Variants in CCDC83 observed in about 807,000 individuals in gnomAD.
CCDC83 encodes the protein coiled-coil domain containing 83, also known as coiled-coil domain-containing protein 83.
Under a neutral mutation model 50.1 loss-of-function variants are expected in CCDC83, and 54 were observed. That is an observed-to-expected ratio of 1.08 (90% CI 0.87 to 1.35). The LOEUF is 1.35. CCDC83 is among the 40% of genes most tolerant of loss of function. The pLI is 0.00. For synonymous variants in CCDC83, 161 were observed against 153.3 expected (o/e 1.05, Z -0.37); for missense variants, 518 against 473.9 (o/e 1.09, Z -0.86).
intron 3 of CCDC83, among the ~76,000 whole-genome samples, chr11:85,877,194 G>T (rs1272084704): frequency 6.6e-6 from 1 of 152,192 alleles, no homozygotes; most frequent in Non-Finnish European, 1.5e-5. Flanking sequence ...TGCAGGCCAG[G>T]CACAGTGGCT....
chr11:85,905,990 AAG>A (rs1554984758), intron 7 of CCDC83, among the ~76,000 whole-genome samples: 7 of 151,648 alleles, frequency 4.6e-5, no homozygotes, highest in East Asian at 1.9e-4. Flanking sequence ...AAAAAAAAAA[AAG>A]AGTATTAGGG....
Position 85,865,278 on chromosome 11 carries a change from C to T in CCDC83, c.95+60C>T, listed in dbSNP as rs2093200590. The T allele has an allele frequency of 4.9e-6, 5 of 1,011,804 alleles. No homozygotes were observed. In the East Asian group the frequency reaches 1.2e-4, roughly 24 times the overall value. 62.7% of individuals were successfully genotyped at this position (1,011,804 alleles called of 1,614,324 possible). On this transcript the variant is annotated intron_variant, in intron 2 of 10. Coordinates refer to ENST00000342404, the MANE Select transcript of CCDC83 (RefSeq NM_001286159.2). The stretch of plus-strand genomic sequence containing the variant: ...AGATAAAAGGCAGTCATTGTTAAGA[C>T]TCATATAACTGCAAATGCAAACAAT...
intron 2 of CCDC83, among the ~76,000 whole-genome samples, chr11:85,866,904 C>A (rs1186889941): frequency 4.6e-5 from 7 of 151,954 alleles, no homozygotes; most frequent in Non-Finnish European, 4.4e-5. Context: ...AGGCCAGAAA[C>A]TGAGAAAAGG....
chr11:85,917,226 GAAAGA>G (rs1317336479), intron 10 of CCDC83, among the ~76,000 whole-genome samples: 6 of 143,976 alleles, frequency 4.2e-5, no homozygotes, highest in East Asian at 2.0e-4. Flanking sequence ...AAGAAAGAAA[GAAAGA>G]AAAGAAAGAA....
At chr11:85,907,290 A>G (rs765689185) in intron 7 of CCDC83, among the ~76,000 whole-genome samples, 82 of 152,244 alleles carry the variant, frequency 5.4e-4, no homozygotes, top group Non-Finnish European at 2.9e-4. Context: ...ATTAGTTGTT[A>G]TAAGTAACAC....
intron 10 of CCDC83, chr11:85,917,962 G>C (rs945223225): frequency 3.3e-5 from 5 of 152,184 alleles, no homozygotes; most frequent in African/African-American, 1.2e-4. Flanking sequence ...TGTATTACTT[G>C]AGAATCCTCC....
At chr11:85,908,613 AGAT>A (rs1372202553) in intron 7 of CCDC83, among the ~76,000 whole-genome samples, 62 of 132,850 alleles carry the variant, frequency 4.7e-4, no homozygotes, top group Admixed American at 6.9e-4. Context: ...ATAGATAGAC[AGAT>A]AGAATTCATG....
intron 3 of CCDC83, among the ~76,000 whole-genome samples, chr11:85,880,317 CCTT>C (rs2093293000): frequency 6.6e-6 from 1 of 152,092 alleles, no homozygotes; most frequent in Non-Finnish European, 1.5e-5. Flanking sequence ...GACAGGATCT[CCTT>C]CAGTCAACCA....
chr11:85,883,294 T>A (rs1410121019), intron 4 of CCDC83, among the ~76,000 whole-genome samples: 4 of 152,026 alleles, frequency 2.6e-5, no homozygotes, highest in African/African-American at 7.3e-5. Flanking sequence ...TTTTCTTTTT[T>A]TTCTTTTTTT....
At chr11:85,877,462 T>C (rs1264973424) in intron 3 of CCDC83, among the ~76,000 whole-genome samples, 15 of 152,248 alleles carry the variant, frequency 9.9e-5, no homozygotes, top group Non-Finnish European at 1.5e-5. Flanking sequence ...CAGACTAAGA[T>C]CCTGTCTCTA....
At chr11:85,897,232 C>T (rs1276551957) in intron 6 of CCDC83, among the ~76,000 whole-genome samples, 2 of 152,186 alleles carry the variant, frequency 1.3e-5, no homozygotes, top group Non-Finnish European at 2.9e-5. Flanking sequence ...CCTCAGCAAC[C>T]CAGTAAGCTG....
chr11:85,881,371 C>CAA (rs2093299248), intron 3 of CCDC83, among the ~76,000 whole-genome samples: 3 of 148,962 alleles, frequency 2.0e-5, no homozygotes, highest in Admixed American at 2.0e-4. Flanking sequence ...AGACTCCATC[C>CAA]CCCCCCAAAA....
At chr11:85,873,408 G>T in intron 3 of CCDC83, 113 bp downstream of exon 3, 1 of 467,692 alleles carries the variant, frequency 2.1e-6, no homozygotes, top group Non-Finnish European at 3.8e-6. Context: ...TTCAAAGCTT[G>T]GAATTGATTG....
chr11:85,897,912 T>G (rs547929098), intron 6 of CCDC83, among the ~76,000 whole-genome samples: 12 of 152,104 alleles, frequency 7.9e-5, no homozygotes, highest in Non-Finnish European at 1.5e-4. Flanking sequence ...ATCCCAGCAT[T>G]TGGGGAGGCC....
At chr11:85,912,881 G>T in intron 8 of CCDC83, 1 of 648,730 alleles carries the variant, frequency 1.5e-6, no homozygotes. Flanking sequence ...TGGTATATTT[G>T]ATTTTGTTCT....
In CCDC83 at chr11:85,886,275, A is replaced by G; in HGVS notation, c.419A>G (p.Tyr140Cys). ...KLSEKEYWEE[Y>C]KNVGSERHAK... ...AGTGAAAAGGAATATTGGGAGGAGT[A>G]CAAGAATGTAGGGAGTGAACGACAT... The change falls in exon 5 of 11, where the codon TAC becomes TGC. Residue 140 changes from tyrosine to cysteine, a missense_variant. Coordinates refer to ENST00000342404, the MANE Select transcript of CCDC83 (RefSeq NM_001286159.2). 1 of 1,610,708 alleles carries G rather than the reference A, an allele frequency of 6.2e-7. No homozygotes were observed. The highest frequency in any genetic ancestry group is 2.2e-5 in the East Asian group (1 of 44,706).
intron 7 of CCDC83, among the ~76,000 whole-genome samples, chr11:85,905,731 A>G (rs1009752860): frequency 6.6e-6 from 1 of 152,046 alleles, no homozygotes; most frequent in Non-Finnish European, 1.5e-5. Flanking sequence ...GCACTTTGGG[A>G]GGCCGAGGCA....
chr11:85,863,201 G>A (rs1365026344), intron 1 of CCDC83, among the ~76,000 whole-genome samples: 1 of 152,144 alleles, frequency 6.6e-6, no homozygotes, highest in Non-Finnish European at 1.5e-5. Context: ...ATTACTAAAT[G>A]GTAAGTTATT....
chr11:85,916,220 A>G lies in CCDC83; in HGVS notation c.1067A>G (p.Glu356Gly). ...TDMKYLLYED[E>G]KDFKDYVNLG... Reference sequence around the variant, plus strand: ...ATGAAGTACTTACTATATGAGGATGAGAAGGATTTCAAGGTAAGATTCATA... The same window carrying G: ...ATGAAGTACTTACTATATGAGGATGGGAAGGATTTCAAGGTAAGATTCATA... The change falls in exon 10 of 11, where the codon GAG (glutamate) becomes GGG (glycine). Residue 356 changes from glutamate (E) to glycine (G), a missense_variant. Physicochemically the swap from Glu to Gly is moderately conservative, Grantham distance 98. Transcript: ENST00000342404. 1 of 1,607,190 alleles carries G rather than the reference A, an allele frequency of 6.2e-7. No homozygotes were observed. The highest frequency in any genetic ancestry group is 8.5e-7 in the Non-Finnish European group (1 of 1,176,260).
Sources: gnomAD v4.1 joint callset for allele counts (sites outside exome capture counted in the v4.1 genomes callset) on GRCh38, gnomAD v4.1.1 for gene constraint, MANE v1.5 for transcripts, NCBI Gene and HGNC (gene_info 2026-07-23, HGNC 2026-07-21) for gene names.